The following NUAK1 variants were observed in gnomAD, a reference collection of about 807,000 sequenced individuals.
The protein encoded by NUAK1 is NUAK family SNF1-like kinase 1.
Under a neutral mutation model 56.9 loss-of-function variants are expected in NUAK1, and 26 were observed. The ratio of observed to expected loss-of-function variants is 0.46; its 90% CI spans 0.33 to 0.63. The LOEUF is 0.63. Ranked by LOEUF, NUAK1 falls within the 30% of genes least tolerant of loss-of-function variation. The pLI, the probability that NUAK1 is intolerant of heterozygous loss-of-function variation, is 0.02. For missense variants in NUAK1, 727 were observed against 876.1 expected (o/e 0.83, Z 2.15); for synonymous variants, 337 against 336.0 (o/e 1.00, Z -0.03).
In NUAK1 at chr12:106,138,703, G is replaced by C. The variant is rs1053552651; in HGVS notation, c.-50C>G. 2 of 1,447,200 alleles carry C rather than the reference G, an allele frequency of 1.4e-6. No homozygotes were observed. Among genetic ancestry groups the C allele is most frequent in the Admixed American group, 2.8e-5 (1 of 36,090 alleles). The allele number at this position is 1,447,200 out of a possible 1,614,324, so 89.6% of individuals were successfully genotyped here. ...TACAGAGGGCAAGACCGGGCACAGC[G>C]CTGGGATGTCGGGGTCCCCACCGAG... On this transcript the variant is annotated 5_prime_UTR_variant, in exon 1 of 7. Coordinates refer to ENST00000261402, the MANE Select transcript of NUAK1 (RefSeq NM_014840.3). The surrounding 1 kb of genome is among the most constrained non-coding windows in gnomAD (Gnocchi z 5.0).
chr12:106,109,865 TCA>T (rs955356614), intron 1 of NUAK1, among the ~76,000 whole-genome samples: 8 of 152,158 alleles, frequency 5.3e-5, no homozygotes, highest in African/African-American at 1.9e-4. Context: ...TAAATAAGTG[TCA>T]GTCTTTTTTA....
chr12:106,109,055 G>A (rs759402221), intron 1 of NUAK1, among the ~76,000 whole-genome samples: 7 of 152,166 alleles, frequency 4.6e-5, no homozygotes, highest in East Asian at 1.9e-4. Context: ...AAAAGAGGGT[G>A]CATTCTGCTC....
In NUAK1 at chr12:106,067,391, C is replaced by T; in HGVS notation, c.1397G>A (p.Gly466Asp). The T allele has an allele frequency of 1.2e-6, 2 of 1,614,158 alleles. No homozygotes were observed. The highest frequency in any genetic ancestry group is 1.7e-6 in the Non-Finnish European group (2 of 1,180,032). ...PKQSATMPKK[G>D]ILKKTQQRES... Reference sequence around the variant, plus strand: ...TCTCTGCTGGGTCTTTTTCAAGATGCCTTTCTTGGGCATCGTGGCCGACTG... The same window carrying T: ...TCTCTGCTGGGTCTTTTTCAAGATGTCTTTCTTGGGCATCGTGGCCGACTG... Residue 466 changes from glycine (G) to aspartate (D), a missense_variant, in exon 7 of 7, where the codon GGC (glycine) becomes GAC (aspartate). Physicochemically the swap from Gly to Asp is moderately conservative, Grantham distance 94 (BLOSUM62 -1). Transcript: ENST00000261402. The surrounding 1 kb of genome is among the most constrained non-coding windows in gnomAD (Gnocchi z 6.0).
At position 106,102,371 on chromosome 12, in the gene NUAK1, T is replaced by C. The variant is rs1191008486; in HGVS notation, c.361+4034A>G. ...GCAGAACTTTCTATGAAGATGAAAA[T>C]GTTCTGCAGCTATGCTGTCCCATAT... is the stretch of plus-strand genomic sequence containing the variant. On this transcript the variant is annotated intron_variant, in intron 2 of 6. Coordinates refer to ENST00000261402, the MANE Select transcript of NUAK1 (RefSeq NM_014840.3). 2.0e-5 allele frequency among the ~76,000 whole-genome samples: 3 copies of C among 152,186 alleles called. No homozygotes were observed. The East Asian group carries it at 5.8e-4, about 29-fold the overall frequency.
At chr12:106,097,646 T>C (rs1216708416) in intron 2 of NUAK1, among the ~76,000 whole-genome samples, 2 of 152,204 alleles carry the variant, frequency 1.3e-5, no homozygotes, top group Non-Finnish European at 2.9e-5. Flanking sequence ...ATGCTAGAAA[T>C]ACAGCCCTGC....
intron 1 of NUAK1, among the ~76,000 whole-genome samples, chr12:106,131,152 C>G (rs2033074133): frequency 6.6e-6 from 1 of 152,164 alleles, no homozygotes; most frequent in South Asian, 2.1e-4. Context: ...TTCCCACTCT[C>G]CACCCTGAGC....
intron 4 of NUAK1, among the ~76,000 whole-genome samples, chr12:106,073,182 T>C (rs1056854624): frequency 2.0e-5 from 3 of 152,252 alleles, no homozygotes; most frequent in Non-Finnish European, 4.4e-5. Flanking sequence ...ACAAAATCAC[T>C]GGCTTGATGT....
chr12:106,080,353 T>A (rs1243048567), intron 4 of NUAK1, among the ~76,000 whole-genome samples: 2 of 152,234 alleles, frequency 1.3e-5, no homozygotes, highest in African/African-American at 4.8e-5. Context: ...CTTCTCATTG[T>A]AAGACATTTT....
In NUAK1 at chr12:106,067,965, A is replaced by G. The variant is rs1476471555; in HGVS notation, c.833-10T>C. On this transcript the variant is annotated splice_polypyrimidine_tract_variant and intron_variant, in intron 6 of 6. Coordinates refer to ENST00000261402, the MANE Select transcript of NUAK1 (RefSeq NM_014840.3). This position sits in a 1 kb window ranked among gnomAD's most constrained non-coding sequence, Gnocchi z 6.0. ...ATGAGTCCTCGAGCATCTAAGGGAC[A>G]AGGGACAAAAAGAATCGGGCATTAT... The G allele has an allele frequency of 1.3e-6, 2 of 1,586,594 alleles. No homozygotes were observed. The highest frequency in any genetic ancestry group is 2.2e-5 in the East Asian group (1 of 44,562).
rs6539247 is a variant in NUAK1, at chr12:106,066,124, T to C, written c.*678A>G. 0.59 allele frequency: 89,583 copies of C among 152,270 alleles called. 26,817 individuals carry two copies. Among genetic ancestry groups the C allele is most frequent in the East Asian group, 0.96 (4,945 of 5,170 alleles). 9.4% of individuals were successfully genotyped at this position (152,270 alleles called of 1,614,324 possible). A position where few individuals can be genotyped will look rare whatever the true frequency, so the allele number is the denominator to read the frequency against. On this transcript the variant is annotated 3_prime_UTR_variant, in exon 7 of 7. Transcript: ENST00000261402. ...CACCAGTGGCATGAAAGAGTTAACA[T>C]AGATCCCACAGGATGACTAAACCCG...
chr12:106,121,210 C>T (rs747270877), intron 1 of NUAK1, among the ~76,000 whole-genome samples: 4 of 152,174 alleles, frequency 2.6e-5, no homozygotes, highest in Non-Finnish European at 5.9e-5. Context: ...GTCTGAGCAT[C>T]GGTTTCTTTA....
chr12:106,138,515 G>C lies in NUAK1; in HGVS notation c.139C>G (p.His47Asp). 6.2e-7 allele frequency: 1 copy of C among 1,613,324 alleles called. No homozygotes were observed. Among genetic ancestry groups the C allele is most frequent in the Non-Finnish European group, 8.5e-7 (1 of 1,179,812 alleles). ...RKPHGVKRHH[H>D]KHNLKHRYEL... Reference sequence around the variant, plus strand: ...TAGCGGTGCTTCAAGTTGTGCTTGTGGTGATGCCGCTTCACCCCGTGCGGC... The same window carrying C: ...TAGCGGTGCTTCAAGTTGTGCTTGTCGTGATGCCGCTTCACCCCGTGCGGC... Residue 47 changes from histidine (H) to aspartate (D), a missense_variant, in exon 1 of 7, where the codon CAC (histidine) becomes GAC (aspartate). Coordinates refer to ENST00000261402, the MANE Select transcript of NUAK1 (RefSeq NM_014840.3). The surrounding 1 kb of genome is among the most constrained non-coding windows in gnomAD (Gnocchi z 5.0).
intron 1 of NUAK1, among the ~76,000 whole-genome samples, chr12:106,112,687 C>T (rs1236220751): frequency 6.6e-6 from 1 of 152,214 alleles, no homozygotes; most frequent in East Asian, 1.9e-4. Context: ...TCTTCCCTTC[C>T]TCTTTAGCCT....
chr12:106,138,539 G>C lies in NUAK1; in HGVS notation c.115C>G (p.Pro39Ala). The C allele has an allele frequency of 6.2e-7, 1 of 1,611,980 alleles. No individual in the cohort carries two copies. The highest frequency in any genetic ancestry group is 8.5e-7 in the Non-Finnish European group (1 of 1,179,692). Residue 39 changes from proline (P) to alanine (A), a missense_variant, in exon 1 of 7, where the codon CCG (proline) becomes GCG (alanine). By Grantham distance (27) the Pro-to-Ala change is conservative (BLOSUM62 -1). Coordinates refer to ENST00000261402, the MANE Select transcript of NUAK1 (RefSeq NM_014840.3). The surrounding 1 kb of genome is among the most constrained non-coding windows in gnomAD (Gnocchi z 5.0). ...GATAALEPRK[P>A]HGVKRHHHKH... ...TGGTGATGCCGCTTCACCCCGTGCG[G>C]CTTCCTGGGCTCCAGGGCTGCAGTC...
Position 106,067,119 on chromosome 12 carries a change from G to C in NUAK1, c.1669C>G (p.Pro557Ala). 6.2e-7 allele frequency: 1 copy of C among 1,614,218 alleles called. No homozygotes were observed. The highest frequency in any genetic ancestry group is 8.5e-7 in the Non-Finnish European group (1 of 1,180,040). ...TAGCTCCGGGAGAGGCCCTCGGCAG[G>C]GACACCAGGCTCTGACAGGGATTCC... ...TLESLSEPGV[P>A]AEGLSRSYSR... Residue 557 changes from proline (P) to alanine (A), a missense_variant, in exon 7 of 7, where the codon CCT (proline) becomes GCT (alanine). Coordinates refer to ENST00000261402, the MANE Select transcript of NUAK1 (RefSeq NM_014840.3). This position sits in a 1 kb window ranked among gnomAD's most constrained non-coding sequence, Gnocchi z 6.0.
At chr12:106,110,554 G>A (rs1200310057) in intron 1 of NUAK1, among the ~76,000 whole-genome samples, 1 of 152,112 alleles carries the variant, frequency 6.6e-6, no homozygotes, top group Non-Finnish European at 1.5e-5. Context: ...GTAAGGAAGG[G>A]GCCCAGCAGG....
chr12:106,093,966 T>A (rs1408301092), intron 2 of NUAK1, among the ~76,000 whole-genome samples: 1 of 147,238 alleles, frequency 6.8e-6, no homozygotes, highest in African/African-American at 2.5e-5. Flanking sequence ...TCCTGGCTAA[T>A]CTTTGTAATT....
At chr12:106,122,618 T>C (rs183034321) in intron 1 of NUAK1, among the ~76,000 whole-genome samples, 354 of 152,298 alleles carry the variant, frequency 2.3e-3, no homozygotes, top group Middle Eastern at 6.8e-3. Flanking sequence ...AGAGAAGGTA[T>C]AGACGAGAGA....
intron 4 of NUAK1, among the ~76,000 whole-genome samples, chr12:106,074,631 T>C (rs566967910): frequency 6.6e-4 from 100 of 152,228 alleles, no homozygotes; most frequent in African/African-American, 2.4e-3. Context: ...CCCCTGTAGG[T>C]TTCCATCATT....
Sources: allele counts gnomAD v4.1 joint callset (sites outside exome capture counted in the v4.1 genomes callset), GRCh38; gene constraint gnomAD v4.1.1; non-coding constraint Gnocchi (gnomAD v3.1); transcripts MANE v1.5; gene names NCBI Gene and HGNC (gene_info 2026-07-23, HGNC 2026-07-21).